The following KIAA1614 variants were observed in gnomAD, a reference collection of about 807,000 sequenced individuals.
The protein encoded by KIAA1614 is uncharacterized protein KIAA1614.
In KIAA1614, 76 loss-of-function variants were observed where a neutral mutation model predicts 88.7. The observed-to-expected ratio is 0.86, with a 90% CI of 0.71 to 1.04. KIAA1614 has a LOEUF of 1.04. Ranked by LOEUF, KIAA1614 falls within the 50% of genes least tolerant of loss-of-function variation. The pLI is 0.00. For synonymous variants in KIAA1614, 714 were observed against 675.5 expected (o/e 1.06, Z -0.88); for missense variants, 1,553 against 1,582.5 (o/e 0.98, Z 0.32).
rs780908263 is a variant in KIAA1614, at chr1:180,935,404, A to G, written c.1495A>G (p.Asn499Asp). The change falls in exon 5 of 9, where the codon AAC becomes GAC. Residue 499 changes from asparagine (N) to aspartate (D), a missense_variant. Physicochemically the swap from Asn to Asp is conservative, Grantham distance 23. Transcript: ENST00000367588. The surrounding 1 kb of genome is among the most constrained non-coding windows in gnomAD (Gnocchi z 6.1). ...RSKPDLADYI[N>D]GAPRLRDAGQ... is the part of the protein sequence containing the mutation. ...CAAGCCCGACCTCGCCGACTACATC[A>G]ACGGGGCTCCCCGGCTCCGGGACGC... 7 of 1,474,064 alleles carry G rather than the reference A, an allele frequency of 4.7e-6. No individual in the cohort carries two copies. The African/African-American group carries it at 8.5e-5, about 18-fold the overall frequency. The allele number at this position is 1,474,064 out of a possible 1,614,324, so 91.3% of individuals were successfully genotyped here. A position where few individuals can be genotyped will look rare whatever the true frequency, so the allele number is the denominator to read the frequency against.
At chr1:180,926,997 C>T (rs1330656084) in intron 3 of KIAA1614, among the ~76,000 whole-genome samples, 1 of 152,178 alleles carries the variant, frequency 6.6e-6, no homozygotes, top group East Asian at 1.9e-4. Flanking sequence ...TCCTCCTGCT[C>T]CCCAGCAGCC....
Position 180,935,780 on chromosome 1 carries a change from A to G in KIAA1614, c.1871A>G (p.Asp624Gly), listed in dbSNP as rs1319085053. 3.7e-6 allele frequency: 6 copies of G among 1,613,748 alleles called. No individual in the cohort carries two copies. The highest frequency in any genetic ancestry group is 5.1e-6 in the Non-Finnish European group (6 of 1,179,952). ...GACAACTCTGACAACTGCAGGACCGACAGTGAGGAGGCGGGGACCTCTCAG... is the reference window on the plus strand; with the variant it reads ...GACAACTCTGACAACTGCAGGACCGGCAGTGAGGAGGCGGGGACCTCTCAG... ...STDNSDNCRT[D>G]SEEAGTSQAG... The change falls in exon 5 of 9, where the codon GAC becomes GGC. Residue 624 changes from aspartate to glycine, a missense_variant. Physicochemically the swap from Asp to Gly is moderately conservative, Grantham distance 94. Coordinates refer to ENST00000367588, the MANE Select transcript of KIAA1614 (RefSeq NM_020950.2). The surrounding 1 kb of genome is among the most constrained non-coding windows in gnomAD (Gnocchi z 6.1).
In KIAA1614 at chr1:180,947,795, A is replaced by G. The variant is rs951765542; in HGVS notation, c.*2207A>G. 6.6e-6 allele frequency: 1 copy of G among 152,214 alleles called. No individual in the cohort carries two copies. Among genetic ancestry groups the G allele is most frequent in the Non-Finnish European group, 1.5e-5 (1 of 68,038 alleles). The allele number at this position is 152,214 out of a possible 1,614,324, so 9.4% of individuals were successfully genotyped here. A position where few individuals can be genotyped will look rare whatever the true frequency, so the allele number is the denominator to read the frequency against. On this transcript the variant is annotated 3_prime_UTR_variant, in exon 9 of 9. Transcript: ENST00000367588. ...ATGAGGATGACAAAACCTACCTAGAAGAGTCATAAGGAGCATTTGGTAAGG... is the reference window on the plus strand; with the variant it reads ...ATGAGGATGACAAAACCTACCTAGAGGAGTCATAAGGAGCATTTGGTAAGG...
At chr1:180,928,379 AT>A in intron 3 of KIAA1614, 50 bp from the exon 4 acceptor site, 1 of 1,469,864 alleles carries the variant, frequency 6.8e-7, no homozygotes, top group Non-Finnish European at 9.1e-7. Flanking sequence ...AATCTGCGTT[AT>A]TTTCCTCTAA....
intron 7 of KIAA1614, among the ~76,000 whole-genome samples, chr1:180,943,552 T>TTTTTTTTTC: frequency 8.4e-6 from 1 of 119,478 alleles, no homozygotes. Flanking sequence ...TAGTAGATCT[T>TTTTTTTTTC]TTTTTTTTTT....
chr1:180,914,555 TTTTC>T (rs1205120960), intron 1 of KIAA1614, among the ~76,000 whole-genome samples: 1 of 152,072 alleles, frequency 6.6e-6, no homozygotes, highest in Non-Finnish European at 1.5e-5. Context: ...TTTTCTTTTC[TTTTC>T]TTTTTTTTGA....
At chr1:180,919,136 G>T (rs1338196428) in intron 3 of KIAA1614, among the ~76,000 whole-genome samples, 2 of 152,100 alleles carry the variant, frequency 1.3e-5, no homozygotes, top group Non-Finnish European at 2.9e-5. Context: ...TAGGAATCTT[G>T]GGGAGACACA....
chr1:180,916,806 A>G lies in KIAA1614; in HGVS notation c.703A>G (p.Ser235Gly), dbSNP rs765319390. 2.5e-6 allele frequency: 4 copies of G among 1,614,084 alleles called. No homozygotes were observed. Among genetic ancestry groups the G allele is most frequent in the South Asian group, 2.2e-5 (2 of 91,088 alleles). ...GHCNKIIHIP[S>G]PRTGRSYPFP... ...TTGTAACAAAATCATCCACATTCCCAGCCCAAGGACAGGAAGGTCCTACCC... is the reference window on the plus strand; with the variant it reads ...TTGTAACAAAATCATCCACATTCCCGGCCCAAGGACAGGAAGGTCCTACCC... Residue 235 changes from serine (S) to glycine (G), a missense_variant, in exon 2 of 9, where the codon AGC becomes GGC. Physicochemically the swap from Ser to Gly is moderately conservative, Grantham distance 56. Coordinates refer to ENST00000367588, the MANE Select transcript of KIAA1614 (RefSeq NM_020950.2).
chr1:180,941,004 C>CCGGGCG, intron 6 of KIAA1614, 41 bp from the exon 7 acceptor site: 1 of 915,352 alleles, frequency 1.1e-6, no homozygotes, highest in Non-Finnish European at 1.6e-6. Context: ...GCCACCCTCC[C>CCGGGCG]GGCCCTCCCC....
In KIAA1614 at chr1:180,936,270, G is replaced by C; in HGVS notation, c.2361G>C (p.Glu787Asp). 6.2e-7 allele frequency: 1 copy of C among 1,614,200 alleles called. No homozygotes were observed. The highest frequency in any genetic ancestry group is 8.5e-7 in the Non-Finnish European group (1 of 1,180,012). The change falls in exon 5 of 9, where the codon GAG becomes GAC. Residue 787 changes from glutamate (E) to aspartate (D), a missense_variant. Physicochemically the swap from Glu to Asp is conservative, Grantham distance 45. Coordinates refer to ENST00000367588, the MANE Select transcript of KIAA1614 (RefSeq NM_020950.2). Reference sequence around the variant, plus strand: ...CCTCCCTGCAACAGAGCCATGCAGAGCCTTCTGCCCCACACCAAGCCTGGC... The same window carrying C: ...CCTCCCTGCAACAGAGCCATGCAGACCCTTCTGCCCCACACCAAGCCTGGC... ...SPSSLQQSHA[E>D]PSAPHQAWQP...
At chr1:180,937,136 CATT>C (rs980531251) in intron 5 of KIAA1614, among the ~76,000 whole-genome samples, 8 of 152,394 alleles carry the variant, frequency 5.2e-5, no homozygotes, top group East Asian at 1.9e-4. Flanking sequence ...CCTCCAGCAT[CATT>C]ATTTCATTTC....
rs754364051 is a variant in KIAA1614 at position 180,928,521 on chromosome 1, C to T, written c.1153C>T (p.Arg385Trp). ...GCGTGCCCGCATGAAGGCCAGGACC[C>T]GGCCCCTCCGTGCCAGCCATGACAT... The part of the protein sequence containing the change: ...LQRARMKART[R>W]PLRASHDIVP... Residue 385 changes from arginine to tryptophan, a missense_variant, in exon 4 of 9, where the codon CGG becomes TGG. Transcript: ENST00000367588. 27 of 1,612,876 alleles carry T rather than the reference C, an allele frequency of 1.7e-5. No individual in the cohort carries two copies. The highest frequency in any genetic ancestry group is 3.3e-5 in the South Asian group (3 of 91,072).
At chr1:180,943,027 G>GTTTTTTTTTTTTTTTTTTTTTTT (rs1261396134) in intron 7 of KIAA1614, among the ~76,000 whole-genome samples, 3 of 22,324 alleles carry the variant, frequency 1.3e-4, no homozygotes, top group African/African-American at 2.9e-4. Context: ...TAGTTTTTTG[G>GTTTTTTTTTTTTTTTTTTTTTTT]GTTTTTTTTT....
At chr1:180,928,636 A>T in intron 4 of KIAA1614, 63 bp downstream of exon 4, 14 of 1,544,898 alleles carry the variant, frequency 9.1e-6, no homozygotes, top group Non-Finnish European at 1.2e-5. Context: ...CAGCAGTGGG[A>T]AGAAGTGGGA....
At chr1:180,934,935 C>G (rs538568137) in intron 4 of KIAA1614, among the ~76,000 whole-genome samples, 180 bp from the exon 5 acceptor site, 31 of 152,332 alleles carry the variant, frequency 2.0e-4, no homozygotes, top group African/African-American at 6.5e-4. Flanking sequence ...AATGGGCTGG[C>G]AAGCTACTCT....
At chr1:180,940,112 T>C (rs746065630) in intron 6 of KIAA1614, among the ~76,000 whole-genome samples, 93 of 152,366 alleles carry the variant, frequency 6.1e-4, no homozygotes, top group Non-Finnish European at 1.2e-3. Context: ...TCATGGTCTG[T>C]TGTTCATAAG....
chr1:180,934,104 A>T (rs1654260464), intron 4 of KIAA1614, among the ~76,000 whole-genome samples: 1 of 152,132 alleles, frequency 6.6e-6, no homozygotes, highest in African/African-American at 2.4e-5. Flanking sequence ...AAAATACAAA[A>T]TTAGTCGGGC....
intron 7 of KIAA1614, among the ~76,000 whole-genome samples, chr1:180,943,550 C>CTTTT (rs60128001): frequency 4.1e-5 from 4 of 98,220 alleles, no homozygotes; most frequent in African/African-American, 1.3e-4. Flanking sequence ...GGTAGTAGAT[C>CTTTT]TTTTTTTTTT....
At chr1:180,936,703 A>G in intron 5 of KIAA1614, 33 bp downstream of exon 5, 1 of 1,406,604 alleles carries the variant, frequency 7.1e-7, no homozygotes. Flanking sequence ...TGCCCAGCCC[A>G]GGCCTGGTGT....
Sources: gnomAD v4.1 joint callset for allele counts (sites outside exome capture counted in the v4.1 genomes callset) on GRCh38, gnomAD v4.1.1 for gene constraint, Gnocchi (gnomAD v3.1) non-coding constraint, MANE v1.5 for transcripts, NCBI Gene and HGNC (gene_info 2026-07-23, HGNC 2026-07-21) for gene names.